UBXN2B: variants seen among roughly 807,000 people sequenced by gnomAD.
UBXN2B encodes the protein UBX domain protein 2B, also known as UBX domain-containing protein 2B.
Under a neutral mutation model 37.5 loss-of-function variants are expected in UBXN2B, and 19 were observed. The ratio of observed to expected loss-of-function variants is 0.51; its 90% CI spans 0.35 to 0.74. UBXN2B has a LOEUF of 0.74. Ranked by LOEUF, UBXN2B falls within the 30% of genes least tolerant of loss-of-function variation. The probability of loss-of-function intolerance (pLI) is 0.01; values close to 1 mark genes in which losing one functional copy is unlikely to be tolerated. For missense variants in UBXN2B, 370 were observed against 393.2 expected, an observed-to-expected ratio of 0.94 and a Z score of 0.50; for synonymous variants, 145 against 143.8, an observed-to-expected ratio of 1.01 and a Z score of -0.06.
At chr8:58,427,026 C>A (rs985735067) in intron 2 of UBXN2B, among the ~76,000 whole-genome samples, 3 of 152,158 alleles carry the variant, frequency 2.0e-5, no homozygotes, top group Non-Finnish European at 4.4e-5. Context: ...CATAGTCATC[C>A]CTTGATAAAT....
At chr8:58,446,778 C>CTTT (rs1585622637) in intron 7 of UBXN2B, among the ~76,000 whole-genome samples, 3 of 14,968 alleles carry the variant, frequency 2.0e-4, no homozygotes, top group Admixed American at 4.6e-4. Context: ...GTACAACCTG[C>CTTT]ATTTTTTTTT....
chr8:58,417,621 A>G lies in UBXN2B; in HGVS notation c.188+668A>G, dbSNP rs191546352. 2.1e-3 allele frequency among the ~76,000 whole-genome samples: 327 copies of G among 152,354 alleles called. 2 individuals carry two copies. Among genetic ancestry groups the G allele is most frequent in the Non-Finnish European group, 4.0e-3 (270 of 68,030 alleles). On this transcript the variant is annotated intron_variant, in intron 2 of 7. Transcript: ENST00000399598. ...TGTTGCCAGGAATATTTTCATTAAC[A>G]TCTTTTTAGTACTGTAAATACCATC...
intron 6 of UBXN2B, among the ~76,000 whole-genome samples, chr8:58,440,696 A>G (rs1326704328): frequency 6.6e-6 from 1 of 152,136 alleles, no homozygotes; most frequent in East Asian, 1.9e-4. Flanking sequence ...GCTTCTCTTC[A>G]TGTGATTCCT....
intron 1 of UBXN2B, among the ~76,000 whole-genome samples, chr8:58,415,601 G>A (rs1414543048): frequency 6.6e-6 from 1 of 152,010 alleles, no homozygotes; most frequent in Non-Finnish European, 1.5e-5. Flanking sequence ...TTCTAGTGAT[G>A]GAACACATGC....
intron 2 of UBXN2B, among the ~76,000 whole-genome samples, chr8:58,430,013 G>C (rs1808202880): frequency 6.6e-6 from 1 of 152,198 alleles, no homozygotes; most frequent in Non-Finnish European, 1.5e-5. Flanking sequence ...TTTTAAGGGA[G>C]TAGGTCTCTT....
At chr8:58,437,841 C>A (rs1202256133) in intron 5 of UBXN2B, among the ~76,000 whole-genome samples, 1 of 152,110 alleles carries the variant, frequency 6.6e-6, no homozygotes, top group Non-Finnish European at 1.5e-5. Context: ...GGCTGTGGAG[C>A]AACCACTTGA....
intron 1 of UBXN2B, among the ~76,000 whole-genome samples, chr8:58,411,832 A>G (rs1807647121): frequency 6.6e-6 from 1 of 152,188 alleles, no homozygotes. Flanking sequence ...GTAGACAGTC[A>G]CCTGAACAGT....
At chr8:58,434,716 G>A (rs1226914075) in intron 5 of UBXN2B, 2 of 1,338,510 alleles carry the variant, frequency 1.5e-6, no homozygotes, top group Non-Finnish European at 2.0e-6. Flanking sequence ...GTGGGCCAGG[G>A]GCATTGGACA....
intron 2 of UBXN2B, among the ~76,000 whole-genome samples, chr8:58,422,314 G>C (rs772383946): frequency 2.0e-5 from 3 of 152,224 alleles, no homozygotes; most frequent in Non-Finnish European, 4.4e-5. Context: ...AGGGTCTTAA[G>C]AGACTGAGAG....
At chr8:58,446,932 G>A (rs1222079876) in intron 7 of UBXN2B, among the ~76,000 whole-genome samples, 19 of 151,292 alleles carry the variant, frequency 1.3e-4, no homozygotes, top group Non-Finnish European at 2.8e-4. Context: ...GAGTAGCTGG[G>A]ATTACAGACA....
chr8:58,446,255 GTATT>G (rs5891685), intron 7 of UBXN2B, among the ~76,000 whole-genome samples, 187 bp downstream of exon 7: 30,096 of 151,892 alleles, frequency 0.2, 3,111 homozygotes, highest in Middle Eastern at 0.28. Flanking sequence ...GAAATATGTG[GTATT>G]TAAACAGTCT....
At chr8:58,425,249 A>G (rs1431818562) in intron 2 of UBXN2B, 5 of 1,087,750 alleles carry the variant, frequency 4.6e-6, no homozygotes, top group Non-Finnish European at 7.1e-6. Context: ...TTTAGAGCAT[A>G]CTCATCAGGC....
At chr8:58,429,269 C>T (rs1808186588) in intron 2 of UBXN2B, among the ~76,000 whole-genome samples, 1 of 151,980 alleles carries the variant, frequency 6.6e-6, no homozygotes, top group Admixed American at 6.5e-5. Context: ...ACAGCTGCAG[C>T]AGGAAGTGTT....
intron 6 of UBXN2B, 57 bp downstream of exon 6, chr8:58,439,827 A>G: frequency 6.5e-7 from 1 of 1,546,482 alleles, no homozygotes; most frequent in Non-Finnish European, 8.7e-7. Context: ...TTCTTTGAGA[A>G]TAAGAAAAGC....
intron 2 of UBXN2B, chr8:58,426,532 T>G: frequency 1.4e-6 from 1 of 739,326 alleles, no homozygotes; most frequent in Admixed American, 1.7e-5. Context: ...TTGATGTGGG[T>G]GACAGCTCCA....
intron 5 of UBXN2B, among the ~76,000 whole-genome samples, chr8:58,437,751 G>A (rs1808450792): frequency 6.6e-6 from 1 of 152,148 alleles, no homozygotes; most frequent in African/African-American, 2.4e-5. Context: ...GAGAAGCAGA[G>A]CCCGTTGAAG....
intron 2 of UBXN2B, among the ~76,000 whole-genome samples, chr8:58,417,939 C>G (rs1807826854): frequency 6.6e-6 from 1 of 152,050 alleles, no homozygotes. Flanking sequence ...TAACACCTTA[C>G]AAAATTAATA....
At chr8:58,423,962 T>G (rs1285894460) in intron 2 of UBXN2B, among the ~76,000 whole-genome samples, 1 of 151,982 alleles carries the variant, frequency 6.6e-6, no homozygotes, top group Non-Finnish European at 1.5e-5. Flanking sequence ...ACCTCTTAAT[T>G]CATAAATATC....
intron 2 of UBXN2B, chr8:58,426,779 C>CGGGGCGGAGCCAGATGCGGG (rs1282711883): frequency 3.2e-6 from 2 of 618,192 alleles, no homozygotes; most frequent in African/African-American, 3.6e-5. Flanking sequence ...GAGGCCCGCT[C>CGGGGCGGAGCCAGATGCGGG]GGGACCAGAT....
Sources: gnomAD v4.1 joint callset for allele counts (sites outside exome capture counted in the v4.1 genomes callset) on GRCh38, gnomAD v4.1.1 for gene constraint, MANE v1.5 for transcripts, NCBI Gene and HGNC (gene_info 2026-07-23, HGNC 2026-07-21) for gene names.